FSTL5: variants seen among roughly 807,000 people sequenced by gnomAD.
FSTL5 encodes the protein follistatin like 5, also known as follistatin-related protein 5.
FSTL5 carries 62 observed loss-of-function variants against 89.1 expected under a neutral mutation model. That is an observed-to-expected ratio of 0.70 (90% CI 0.57 to 0.86). The LOEUF (loss-of-function observed/expected upper bound fraction) is 0.86, where lower values mean the gene tolerates loss of function less well. Ranked by LOEUF, FSTL5 falls within the 40% of genes least tolerant of loss-of-function variation. FSTL5 has a pLI of 0.00. For missense variants in FSTL5, 1,057 were observed against 1,001.6 expected (o/e 1.06, Z -0.75); for synonymous variants, 383 against 346.2 (o/e 1.11, Z -1.18).
chr4:161,891,615 G>C (rs886521978), intron 4 of FSTL5, among the ~76,000 whole-genome samples: 3 of 152,078 alleles, frequency 2.0e-5, no homozygotes, highest in Admixed American at 1.3e-4. Context: ...GAATCAGTAA[G>C]TGACAAATGT....
chr4:161,482,899 T>C (rs1729565421), intron 12 of FSTL5, among the ~76,000 whole-genome samples: 1 of 152,136 alleles, frequency 6.6e-6, no homozygotes, highest in South Asian at 2.1e-4. Context: ...AGTGTTCTCT[T>C]CTAAACAGCA....
intron 6 of FSTL5, among the ~76,000 whole-genome samples, chr4:161,667,958 C>A (rs1195201297): frequency 1.3e-5 from 2 of 151,858 alleles, no homozygotes; most frequent in Non-Finnish European, 2.9e-5. Context: ...TCTAAGCTTT[C>A]ACTTTAGGAA....
chr4:161,474,038 C>T (rs1734040058), intron 13 of FSTL5, among the ~76,000 whole-genome samples: 1 of 152,130 alleles, frequency 6.6e-6, no homozygotes, highest in South Asian at 2.1e-4. Context: ...TCATTTCCTG[C>T]ATTATTGTCT....
chr4:161,963,407 A>G (rs924394236), intron 3 of FSTL5, among the ~76,000 whole-genome samples: 2 of 151,956 alleles, frequency 1.3e-5, no homozygotes, highest in Non-Finnish European at 2.9e-5. Context: ...CTTCAATTGC[A>G]AGGTTATCTA....
intron 7 of FSTL5, among the ~76,000 whole-genome samples, chr4:161,634,003 T>C (rs552905901): frequency 1.1e-4 from 16 of 152,362 alleles, no homozygotes; most frequent in Admixed American, 6.5e-4. Flanking sequence ...AATAGGATCA[T>C]TTAAATCTTT....
chr4:161,625,133 T>G (rs1735270545), intron 7 of FSTL5, among the ~76,000 whole-genome samples: 1 of 152,168 alleles, frequency 6.6e-6, no homozygotes, highest in Non-Finnish European at 1.5e-5. Flanking sequence ...TTCCTTTTAA[T>G]CACATGCAAA....
chr4:161,576,030 CAAAT>C (rs1471430114), intron 8 of FSTL5, among the ~76,000 whole-genome samples: 1 of 151,928 alleles, frequency 6.6e-6, no homozygotes, highest in Non-Finnish European at 1.5e-5. Flanking sequence ...CAACAACAGA[CAAAT>C]AAAGAGCCAA....
chr4:161,577,942 T>G (rs1373527986), intron 8 of FSTL5, among the ~76,000 whole-genome samples: 1 of 152,082 alleles, frequency 6.6e-6, no homozygotes, highest in Non-Finnish European at 1.5e-5. Flanking sequence ...CAGATCCCAC[T>G]GTAAAGGCTA....
At chr4:161,997,920 T>A (rs1736350169) in intron 3 of FSTL5, among the ~76,000 whole-genome samples, 1 of 152,122 alleles carries the variant, frequency 6.6e-6, no homozygotes, top group Non-Finnish European at 1.5e-5. Flanking sequence ...GTACATGTTA[T>A]CTATATGAAT....
intron 7 of FSTL5, among the ~76,000 whole-genome samples, chr4:161,643,761 C>T (rs1736045473): frequency 6.6e-6 from 1 of 152,106 alleles, no homozygotes; most frequent in Non-Finnish European, 1.5e-5. Context: ...TTGAACTGTG[C>T]TAGGTTTAAA....
At chr4:161,960,555 T>C (rs1432232728) in intron 3 of FSTL5, among the ~76,000 whole-genome samples, 1 of 152,102 alleles carries the variant, frequency 6.6e-6, no homozygotes, top group Admixed American at 6.6e-5. Context: ...AAGATGTGTC[T>C]AGTTGATATG....
At chr4:161,602,847 T>C (rs1734296950) in intron 7 of FSTL5, among the ~76,000 whole-genome samples, 2 of 152,104 alleles carry the variant, frequency 1.3e-5, no homozygotes, top group South Asian at 4.1e-4. Flanking sequence ...AAATCAAATT[T>C]TGTTCAGCCA....
intron 6 of FSTL5, among the ~76,000 whole-genome samples, chr4:161,667,901 G>T (rs1736957864): frequency 6.6e-6 from 1 of 151,816 alleles, no homozygotes; most frequent in Non-Finnish European, 1.5e-5. Flanking sequence ...AAAGATTCAG[G>T]CATTGAATAC....
At chr4:161,738,545 G>T (rs1739898226) in intron 6 of FSTL5, among the ~76,000 whole-genome samples, 4 of 151,878 alleles carry the variant, frequency 2.6e-5, no homozygotes, top group Admixed American at 2.6e-4. Context: ...AGAAAAGCTG[G>T]ATTAAAAATG....
At chr4:161,626,848 G>A (rs1161432586) in intron 7 of FSTL5, among the ~76,000 whole-genome samples, 1 of 152,142 alleles carries the variant, frequency 6.6e-6, no homozygotes, top group Admixed American at 6.6e-5. Flanking sequence ...GCTTCAAAGG[G>A]TTCAAGAGTT....
At chr4:161,729,276 C>A (rs1194378825) in intron 6 of FSTL5, among the ~76,000 whole-genome samples, 1 of 152,092 alleles carries the variant, frequency 6.6e-6, no homozygotes, top group Non-Finnish European at 1.5e-5. Flanking sequence ...TAATCTAGCC[C>A]ACAACCTTCA....
At chr4:161,980,391 A>C (rs1735792640) in intron 3 of FSTL5, among the ~76,000 whole-genome samples, 1 of 152,132 alleles carries the variant, frequency 6.6e-6, no homozygotes, top group African/African-American at 2.4e-5. Context: ...GCAGCTGCTT[A>C]AGACCAAAGA....
intron 2 of FSTL5, among the ~76,000 whole-genome samples, chr4:162,083,204 C>T (rs189535044): frequency 7.9e-5 from 12 of 151,830 alleles, no homozygotes; most frequent in South Asian, 2.1e-4. Flanking sequence ...ATTGATTTAA[C>T]ATAGTTTTAT....
intron 4 of FSTL5, among the ~76,000 whole-genome samples, chr4:161,787,980 T>G (rs1741965199): frequency 6.6e-6 from 1 of 152,204 alleles, no homozygotes; most frequent in Admixed American, 6.5e-5. Context: ...TTAAAATGTG[T>G]GAAATTTCTG....
Sources: gnomAD v4.1 joint callset for allele counts (sites outside exome capture counted in the v4.1 genomes callset) on GRCh38, gnomAD v4.1.1 for gene constraint, MANE v1.5 for transcripts, NCBI Gene and HGNC (gene_info 2026-07-23, HGNC 2026-07-21) for gene names.